The following SLX4IP variants were observed in gnomAD, a reference collection of about 807,000 sequenced individuals.
The protein encoded by SLX4IP is SLX4 interacting protein, also known as protein SLX4IP.
In SLX4IP, 34 loss-of-function variants were observed where a neutral mutation model predicts 32.9. That is an observed-to-expected ratio of 1.03 (90% CI 0.79 to 1.38). The LOEUF (loss-of-function observed/expected upper bound fraction) is 1.38. Ranked by LOEUF, SLX4IP falls within the 40% of genes most tolerant of loss-of-function variation. The pLI, the probability that SLX4IP is intolerant of heterozygous loss-of-function variation, is 0.00. For missense variants in SLX4IP, 444 were observed against 479.0 expected (o/e 0.93, Z 0.68); for synonymous variants, 172 against 171.7 (o/e 1.00, Z -0.01).
rs777588558 is a variant in SLX4IP, at chr20:10,621,326, C to T, written c.418C>T (p.Leu140Phe). The change falls in exon 7 of 8, where the codon CTC becomes TTC. Residue 140 changes from leucine (L) to phenylalanine (F), a missense_variant. Coordinates refer to ENST00000334534, the MANE Select transcript of SLX4IP (RefSeq NM_001009608.3). ...TCTTTTGGAGTAGACAGAAAGAGTT[C>T]TCCATGGAGTGTCTGATTACTTTGC... ...SQNEDLTERVLHGVSDYFAEC... is the reference protein window; with the variant it reads ...SQNEDLTERVFHGVSDYFAEC... 45 of 1,614,122 alleles carry T rather than the reference C, an allele frequency of 2.8e-5. No homozygotes were observed. Among genetic ancestry groups the T allele is most frequent in the Non-Finnish European group, 3.7e-5 (44 of 1,179,976 alleles).
chr20:10,578,194 C>T (rs1568751170), intron 4 of SLX4IP, among the ~76,000 whole-genome samples: 1 of 152,148 alleles, frequency 6.6e-6, no homozygotes, highest in Non-Finnish European at 1.5e-5. Context: ...TTTCATCACT[C>T]CAAAAGAAAC....
chr20:10,572,174 A>G lies in SLX4IP; in HGVS notation c.238+11354A>G, dbSNP rs916555378. Among the ~76,000 whole-genome samples the G allele has an allele frequency of 2.0e-5, 3 of 152,180 alleles. No individual in the cohort carries two copies. The South Asian group carries it at 6.2e-4, about 32-fold the overall frequency. On this transcript the variant is annotated intron_variant, in intron 4 of 7. Transcript: ENST00000334534. ...AAGCTTTAGAACCCTTTCTCTACAG[A>G]TGAGAGCCAGATTTGTGGTTCAAGT...
intron 2 of SLX4IP, among the ~76,000 whole-genome samples, chr20:10,503,583 C>A (rs1041631713): frequency 3.3e-5 from 5 of 152,194 alleles, no homozygotes; most frequent in African/African-American, 1.2e-4. Flanking sequence ...CGTTTCTTAG[C>A]TCAAGGCAAA....
chr20:10,606,729 G>C (rs1600150251), intron 6 of SLX4IP, among the ~76,000 whole-genome samples: 1 of 152,320 alleles, frequency 6.6e-6, no homozygotes, highest in East Asian at 1.9e-4. Context: ...CAAAGTCTCT[G>C]CTAGTGATCT....
intron 6 of SLX4IP, among the ~76,000 whole-genome samples, chr20:10,611,216 T>A (rs1322663514): frequency 1.3e-5 from 2 of 152,226 alleles, no homozygotes; most frequent in African/African-American, 4.8e-5. Context: ...CAGAAGGTTT[T>A]AATTATTTGC....
At chr20:10,502,511 C>A (rs969131772) in intron 2 of SLX4IP, among the ~76,000 whole-genome samples, 1 of 152,234 alleles carries the variant, frequency 6.6e-6, no homozygotes, top group Non-Finnish European at 1.5e-5. Flanking sequence ...CACTCACTTT[C>A]AACCTCACAG....
intron 2 of SLX4IP, among the ~76,000 whole-genome samples, chr20:10,502,713 C>T (rs377079265): frequency 4.6e-5 from 7 of 151,974 alleles, no homozygotes; most frequent in African/African-American, 1.2e-4. Context: ...CTGTCTTGTT[C>T]TCTGCCTTAT....
At chr20:10,613,406 A>T (rs548574670) in intron 6 of SLX4IP, 4 of 1,547,378 alleles carry the variant, frequency 2.6e-6, no homozygotes, top group Non-Finnish European at 3.6e-6. Flanking sequence ...ATCAATTTAC[A>T]CCTAAGGACC....
chr20:10,526,941 C>T (rs2065944705), intron 2 of SLX4IP, among the ~76,000 whole-genome samples: 1 of 151,928 alleles, frequency 6.6e-6, no homozygotes, highest in Admixed American at 6.6e-5. Context: ...GACAGAGACC[C>T]CATCCCAAAA....
chr20:10,574,920 G>C (rs142638726), intron 4 of SLX4IP, among the ~76,000 whole-genome samples: 1 of 152,066 alleles, frequency 6.6e-6, no homozygotes, highest in South Asian at 2.1e-4. Context: ...TTATCCACCC[G>C]CCTTGGCCTC....
intron 2 of SLX4IP, among the ~76,000 whole-genome samples, chr20:10,531,826 C>T (rs948831314): frequency 1.3e-5 from 2 of 152,210 alleles, no homozygotes; most frequent in African/African-American, 4.8e-5. Context: ...GCAGAGAGAA[C>T]AGCAGGTACC....
At chr20:10,493,850 T>A (rs1234599869) in intron 2 of SLX4IP, among the ~76,000 whole-genome samples, 3 of 146,112 alleles carry the variant, frequency 2.1e-5, no homozygotes, top group African/African-American at 7.5e-5. Flanking sequence ...GTGTTTTTTT[T>A]ATAGTTGCCT....
chr20:10,606,510 G>A (rs577093437), intron 6 of SLX4IP, among the ~76,000 whole-genome samples: 8 of 152,258 alleles, frequency 5.3e-5, no homozygotes, highest in Non-Finnish European at 5.9e-5. Flanking sequence ...GGTGAATTGC[G>A]TGGAAGATAT....
At chr20:10,501,189 T>C (rs1210996564) in intron 2 of SLX4IP, among the ~76,000 whole-genome samples, 1 of 152,196 alleles carries the variant, frequency 6.6e-6, no homozygotes, top group African/African-American at 2.4e-5. Flanking sequence ...TGTAGTTATA[T>C]AATATTACCA....
chr20:10,451,217 G>A (rs1236894701), intron 1 of SLX4IP, among the ~76,000 whole-genome samples: 1 of 151,552 alleles, frequency 6.6e-6, no homozygotes, highest in African/African-American at 2.4e-5. Flanking sequence ...CTGGAGTGCA[G>A]TAGCGTAATC....
chr20:10,585,975 T>G (rs1415636542), intron 4 of SLX4IP, among the ~76,000 whole-genome samples: 1 of 151,742 alleles, frequency 6.6e-6, no homozygotes, highest in Non-Finnish European at 1.5e-5. Context: ...TGGTTTATCT[T>G]ACCAAGCCTA....
At chr20:10,490,117 A>G (rs2065609728) in intron 2 of SLX4IP, among the ~76,000 whole-genome samples, 1 of 152,172 alleles carries the variant, frequency 6.6e-6, no homozygotes, top group South Asian at 2.1e-4. Flanking sequence ...GGCCTTAAAA[A>G]AGAATCCCTA....
At chr20:10,561,481 A>T in intron 4 of SLX4IP, among the ~76,000 whole-genome samples, 1 of 148,826 alleles carries the variant, frequency 6.7e-6, no homozygotes, top group African/African-American at 2.5e-5. Flanking sequence ...GTGATATTTT[A>T]TTTTCTTATT....
intron 2 of SLX4IP, among the ~76,000 whole-genome samples, chr20:10,466,242 G>C (rs2065379500): frequency 6.6e-6 from 1 of 152,204 alleles, no homozygotes; most frequent in South Asian, 2.1e-4. Flanking sequence ...ATGTTGCCAG[G>C]GTCGCTCTCA....
Sources: gnomAD v4.1 joint callset for allele counts (sites outside exome capture counted in the v4.1 genomes callset) on GRCh38, gnomAD v4.1.1 for gene constraint, MANE v1.5 for transcripts, NCBI Gene and HGNC (gene_info 2026-07-23, HGNC 2026-07-21) for gene names.